The following ESRRG variants were observed in gnomAD, a reference collection of about 807,000 sequenced individuals.
The protein encoded by ESRRG is estrogen related receptor gamma, also known as estrogen-related receptor gamma.
In ESRRG, 13 loss-of-function variants were observed where a neutral mutation model predicts 44.0. That is an observed-to-expected ratio of 0.30 (90% CI 0.19 to 0.47). The LOEUF (loss-of-function observed/expected upper bound fraction) is 0.47, where lower values mean the gene tolerates loss of function less well. ESRRG is among the 20% of genes least tolerant of loss of function. The pLI is 1.00. For missense variants in ESRRG, 395 were observed against 580.6 expected (o/e 0.68, Z 3.29); for synonymous variants, 215 against 214.6 (o/e 1.00, Z -0.02).
intron 5 of ESRRG, among the ~76,000 whole-genome samples, chr1:216,554,180 C>T (rs12749792): frequency 6.6e-6 from 1 of 151,864 alleles, no homozygotes; most frequent in African/African-American, 2.4e-5. Context: ...TGAGGCTGAG[C>T]GCAGTAGCTC....
At chr1:216,844,658 T>C (rs756059227) in intron 2 of ESRRG, among the ~76,000 whole-genome samples, 9 of 152,172 alleles carry the variant, frequency 5.9e-5, no homozygotes, top group Admixed American at 3.9e-4. Flanking sequence ...TATGAATTTA[T>C]AGAGTTCCCT....
chr1:217,094,571 C>T (rs2092396314), upstream of ESRRG, among the ~76,000 whole-genome samples: 1 of 152,206 alleles, frequency 6.6e-6, no homozygotes, highest in African/African-American at 2.4e-5. Flanking sequence ...ACAGACTCTA[C>T]CAATACAACA....
At chr1:216,612,076 A>G (rs1476187182) in intron 3 of ESRRG, among the ~76,000 whole-genome samples, 1 of 152,226 alleles carries the variant, frequency 6.6e-6, no homozygotes, top group African/African-American at 2.4e-5. Flanking sequence ...AAGACAGGTC[A>G]GGCACAAGTC....
At chr1:217,125,573 CT>C (rs1157486811) in intron 1 of ESRRG, among the ~76,000 whole-genome samples, 5 of 152,120 alleles carry the variant, frequency 3.3e-5, no homozygotes, top group African/African-American at 1.2e-4. Context: ...GTATTTGATA[CT>C]TTAATAAATA....
At chr1:216,971,344 A>G (rs989037682) in intron 1 of ESRRG, among the ~76,000 whole-genome samples, 4 of 152,216 alleles carry the variant, frequency 2.6e-5, no homozygotes, top group Non-Finnish European at 5.9e-5. Flanking sequence ...CAGACTTAGC[A>G]ATATCTTTAC....
rs867577543 is a variant in ESRRG at position 216,975,375 on chromosome 1, A to G, written c.-105-35702T>C. Among the ~76,000 whole-genome samples, 7 of 152,222 alleles carry G rather than the reference A, an allele frequency of 4.6e-5. No individual in the cohort carries two copies. The South Asian group carries it at 1.4e-3, about 32-fold the overall frequency. On this transcript the variant is annotated intron_variant, in intron 1 of 7. Coordinates refer to the ESRRG transcript ENST00000359162. ...GACAAAAAGAAGCAACCTCTGTTTA[A>G]CTTTTGGTAAAACCAGCATCCAAAG... is the stretch of plus-strand genomic sequence containing the variant.
At chr1:217,135,768 G>T (rs1294393645) in intron 1 of ESRRG, among the ~76,000 whole-genome samples, 2 of 152,228 alleles carry the variant, frequency 1.3e-5, no homozygotes, top group African/African-American at 2.4e-5. Flanking sequence ...ACGGAGTCGG[G>T]CCGCTGGGCG....
intron 5 of ESRRG, among the ~76,000 whole-genome samples, chr1:216,525,650 C>T (rs1415429089): frequency 3.9e-5 from 6 of 151,930 alleles, no homozygotes; most frequent in South Asian, 4.2e-4. Flanking sequence ...GAAAGCAATG[C>T]CATATAATAT....
At chr1:216,695,151 T>C (rs2079876443) in intron 1 of ESRRG, among the ~76,000 whole-genome samples, 1 of 152,086 alleles carries the variant, frequency 6.6e-6, no homozygotes, top group South Asian at 2.1e-4. Context: ...CTACAAATAA[T>C]ATATAATAAT....
intron 2 of ESRRG, among the ~76,000 whole-genome samples, chr1:216,920,152 C>T (rs1246146593): frequency 6.6e-6 from 1 of 152,116 alleles, no homozygotes; most frequent in Non-Finnish European, 1.5e-5. Flanking sequence ...AGGAAAAGAG[C>T]AATGCTGTGC....
At chr1:217,009,702 C>CTTT (rs11325118) in intron 1 of ESRRG, among the ~76,000 whole-genome samples, 29 of 106,344 alleles carry the variant, frequency 2.7e-4, no homozygotes, top group Non-Finnish European at 3.0e-4. Flanking sequence ...TTTTCTTTTT[C>CTTT]TTTTTTTTTT....
At chr1:217,037,872 G>T (rs570113530) in intron 1 of ESRRG, among the ~76,000 whole-genome samples, 176 of 152,252 alleles carry the variant, frequency 1.2e-3, no homozygotes, top group Non-Finnish European at 2.2e-3. Context: ...AGGAGCAACA[G>T]GCCCCATGCA....
At chr1:216,917,964 C>T (rs1183664381) in intron 2 of ESRRG, among the ~76,000 whole-genome samples, 12 of 152,130 alleles carry the variant, frequency 7.9e-5, no homozygotes, top group African/African-American at 1.9e-4. Context: ...AAAACTCAGG[C>T]GCACTATAAG....
chr1:216,523,073 G>A (rs2046563172), intron 5 of ESRRG, among the ~76,000 whole-genome samples: 1 of 152,092 alleles, frequency 6.6e-6, no homozygotes, highest in Non-Finnish European at 1.5e-5. Context: ...TGTGTGACAG[G>A]TTATAGTTTT....
At position 216,811,487 on chromosome 1, in the gene ESRRG, G is replaced by A. The variant is rs11572592; in HGVS notation, c.-14+128095C>T. Among the ~76,000 whole-genome samples the A allele has an allele frequency of 1.0e-3, 156 of 152,086 alleles. 3 individuals carry two copies. In the South Asian group the frequency reaches 0.029, roughly 28 times the overall value. ...CTATTGGTCATTTATGTAAGTACGCGCACTTGCAAAAAATAAAATAAACTT... is the reference window on the plus strand; with the variant it reads ...CTATTGGTCATTTATGTAAGTACGCACACTTGCAAAAAATAAAATAAACTT... On this transcript the variant is annotated intron_variant, in intron 2 of 7. Coordinates refer to the ESRRG transcript ENST00000359162.
intron 5 of ESRRG, among the ~76,000 whole-genome samples, chr1:216,519,752 C>T (rs951018319): frequency 6.9e-6 from 1 of 145,564 alleles, no homozygotes; most frequent in Non-Finnish European, 1.5e-5. Context: ...GAAAATCTTA[C>T]AGGAAGTCAG....
intron 2 of ESRRG, among the ~76,000 whole-genome samples, chr1:216,916,077 T>C (rs1028283298): frequency 6.6e-6 from 1 of 152,152 alleles, no homozygotes; most frequent in Non-Finnish European, 1.5e-5. Flanking sequence ...CCTCTCCCTT[T>C]CAGCCCCAAT....
At chr1:217,050,488 G>A (rs1396579048) in intron 1 of ESRRG, among the ~76,000 whole-genome samples, 2 of 152,148 alleles carry the variant, frequency 1.3e-5, no homozygotes, top group South Asian at 2.1e-4. Flanking sequence ...GACTTACCTG[G>A]AGGTTATTGG....
intron 5 of ESRRG, among the ~76,000 whole-genome samples, chr1:216,535,458 T>A (rs2050658154): frequency 2.6e-5 from 4 of 152,134 alleles, no homozygotes; most frequent in Admixed American, 2.6e-4. Flanking sequence ...CCTGCAAACA[T>A]GATCTCACCT....
Sources: gnomAD v4.1 joint callset for allele counts (sites outside exome capture counted in the v4.1 genomes callset) on GRCh38, gnomAD v4.1.1 for gene constraint, MANE v1.5 for transcripts, NCBI Gene and HGNC (gene_info 2026-07-23, HGNC 2026-07-21) for gene names.